Variants in CTNNA3 observed in about 807,000 individuals in gnomAD.
CTNNA3 encodes the protein catenin alpha 3.
A neutral mutation model predicts 95.7 loss-of-function variants in CTNNA3; 76 were observed. The observed-to-expected ratio is 0.79, with a 90% CI of 0.66 to 0.96. CTNNA3 has a LOEUF of 0.96. Among genes scored for constraint, CTNNA3 ranks in the 40% least tolerant of loss-of-function variants. The pLI, the probability that CTNNA3 is intolerant of heterozygous loss-of-function variation, is 0.00. For synonymous variants in CTNNA3, 431 were observed against 374.4 expected (o/e 1.15, Z -1.74); for missense variants, 1,191 against 1,089.8 (o/e 1.09, Z -1.31).
At chr10:67,598,939 T>C (rs1436569900) in intron 3 of CTNNA3, among the ~76,000 whole-genome samples, 1 of 151,956 alleles carries the variant, frequency 6.6e-6, no homozygotes, top group African/African-American at 2.4e-5. Flanking sequence ...TAGAAACCAA[T>C]ACTCATAAGG....
chr10:67,389,584 A>G (rs1179869612), intron 5 of CTNNA3, among the ~76,000 whole-genome samples: 1 of 148,424 alleles, frequency 6.7e-6, no homozygotes, highest in Non-Finnish European at 1.5e-5. Context: ...AGAACTCTCC[A>G]CCCCAAATCA....
intron 7 of CTNNA3, among the ~76,000 whole-genome samples, chr10:67,076,233 TCTAA>T (rs1218570045): frequency 6.6e-6 from 1 of 152,230 alleles, no homozygotes; most frequent in Non-Finnish European, 1.5e-5. Flanking sequence ...CATCCTTATC[TCTAA>T]CTATTTTCCT....
intron 16 of CTNNA3, among the ~76,000 whole-genome samples, chr10:65,973,419 A>G (rs2078147607): frequency 2.0e-5 from 3 of 152,160 alleles, no homozygotes; most frequent in Admixed American, 2.0e-4. Context: ...AACCCACACA[A>G]TGGAAGAAAA....
At chr10:66,830,825 G>A (rs1842693815) in intron 7 of CTNNA3, among the ~76,000 whole-genome samples, 1 of 152,018 alleles carries the variant, frequency 6.6e-6, no homozygotes, top group South Asian at 2.1e-4. Context: ...TAGCCAGGAT[G>A]GTCTCTATCT....
chr10:66,324,015 A>G (rs1222558703), intron 12 of CTNNA3, among the ~76,000 whole-genome samples: 1 of 151,876 alleles, frequency 6.6e-6, no homozygotes, highest in Non-Finnish European at 1.5e-5. Context: ...CTCCCCATCC[A>G]TTCCACTGAG....
At chr10:66,715,909 C>T (rs1218126623) in intron 9 of CTNNA3, among the ~76,000 whole-genome samples, 1 of 151,302 alleles carries the variant, frequency 6.6e-6, no homozygotes, top group African/African-American at 2.4e-5. Flanking sequence ...AATATAAAAA[C>T]AAAAATAAAA....
intron 5 of CTNNA3, among the ~76,000 whole-genome samples, chr10:67,480,575 C>G (rs1295113015): frequency 6.6e-6 from 1 of 152,230 alleles, no homozygotes; most frequent in Non-Finnish European, 1.5e-5. Context: ...CAAACAATAG[C>G]ATGAGCAATC....
At chr10:67,046,035 A>T (rs1252725296) in intron 7 of CTNNA3, among the ~76,000 whole-genome samples, 1 of 152,328 alleles carries the variant, frequency 6.6e-6, no homozygotes, top group South Asian at 2.1e-4. Context: ...AATAAAAGTG[A>T]AAAAGAAATA....
At chr10:67,647,619 C>T in intron 1 of CTNNA3, 101 bp from the exon 2 acceptor site, 1 of 859,052 alleles carries the variant, frequency 1.2e-6, no homozygotes, top group African/African-American at 1.7e-5. Flanking sequence ...TATTCAGCAC[C>T]TCTTCCTGAT....
rs142018332 is a variant in CTNNA3, at chr10:67,291,854, A to C, written c.580-71984T>G. Among the ~76,000 whole-genome samples, 37 of 152,358 alleles carry C rather than the reference A, an allele frequency of 2.4e-4. No homozygotes were observed. The East Asian group carries it at 6.7e-3, about 28-fold the overall frequency. ...AAGGTTCATGGAAAAATCAACTCACAAAAGGCAAATTAATTACAGAAACGG... is the reference window on the plus strand; with the variant it reads ...AAGGTTCATGGAAAAATCAACTCACCAAAGGCAAATTAATTACAGAAACGG... On this transcript the variant is annotated intron_variant, in intron 5 of 17. Coordinates refer to ENST00000433211, the MANE Select transcript of CTNNA3 (RefSeq NM_013266.4).
chr10:67,129,209 A>T (rs1859871494), intron 7 of CTNNA3, among the ~76,000 whole-genome samples: 1 of 152,164 alleles, frequency 6.6e-6, no homozygotes, highest in Non-Finnish European at 1.5e-5. Flanking sequence ...ATAATAAAAA[A>T]TTTTCAGATT....
At chr10:67,226,621 A>T (rs538560215) in intron 5 of CTNNA3, among the ~76,000 whole-genome samples, 1 of 152,222 alleles carries the variant, frequency 6.6e-6, no homozygotes, top group Non-Finnish European at 1.5e-5. Flanking sequence ...ATCCAGTGAA[A>T]CTAAGCATCA....
At chr10:66,193,908 T>C (rs1312269034) in intron 13 of CTNNA3, among the ~76,000 whole-genome samples, 1 of 152,136 alleles carries the variant, frequency 6.6e-6, no homozygotes, top group Non-Finnish European at 1.5e-5. Flanking sequence ...AACTCAAGAA[T>C]ATATTGTCCA....
intron 10 of CTNNA3, among the ~76,000 whole-genome samples, chr10:66,618,192 C>T (rs1844596992): frequency 6.6e-6 from 1 of 151,848 alleles, no homozygotes; most frequent in African/African-American, 2.4e-5. Context: ...ACTTTCTTCA[C>T]AGAATTGGAA....
At chr10:66,380,218 T>C (rs2092826499) in intron 11 of CTNNA3, among the ~76,000 whole-genome samples, 1 of 152,110 alleles carries the variant, frequency 6.6e-6, no homozygotes, top group Admixed American at 6.6e-5. Context: ...TCTTTCCCAA[T>C]CTGCTTGTGT....
intron 9 of CTNNA3, among the ~76,000 whole-genome samples, chr10:66,743,984 A>AAAAG (rs777490639): frequency 0.065 from 9,552 of 146,742 alleles, 542 homozygotes; most frequent in East Asian, 0.19. Context: ...CAAAAAAAAA[A>AAAAG]AAAAAAAAAA....
chr10:66,262,175 G>A (rs561893779), intron 13 of CTNNA3, among the ~76,000 whole-genome samples: 5 of 152,044 alleles, frequency 3.3e-5, no homozygotes, highest in African/African-American at 1.2e-4. Context: ...CGTGGATATA[G>A]GTAACTCACT....
chr10:66,589,002 T>A (rs1479998121), intron 10 of CTNNA3, among the ~76,000 whole-genome samples: 1 of 152,120 alleles, frequency 6.6e-6, no homozygotes, highest in Non-Finnish European at 1.5e-5. Flanking sequence ...ATTAAATACA[T>A]TTGTTAACTC....
At chr10:66,940,376 A>C (rs1057051520) in intron 7 of CTNNA3, among the ~76,000 whole-genome samples, 4 of 152,244 alleles carry the variant, frequency 2.6e-5, no homozygotes, top group African/African-American at 9.6e-5. Flanking sequence ...CATGCTTGGA[A>C]GCTGAAGTGG....
Sources: allele counts gnomAD v4.1 joint callset (sites outside exome capture counted in the v4.1 genomes callset), GRCh38; gene constraint gnomAD v4.1.1; transcripts MANE v1.5; gene names NCBI Gene and HGNC (gene_info 2026-07-23, HGNC 2026-07-21).